Variants in PCDHA6 observed in about 807,000 individuals in gnomAD.
PCDHA6 encodes protocadherin alpha 6.
PCDHA6 carries 55 observed loss-of-function variants against 60.3 expected under a neutral mutation model. The observed-to-expected ratio is 0.91, with a 90% confidence interval of 0.73 to 1.14. The LOEUF is 1.14. Among genes scored for constraint, PCDHA6 ranks in the 50% most tolerant of loss-of-function variants. The pLI is 0.00. For synonymous variants in PCDHA6, 652 were observed against 557.9 expected (o/e 1.17, Z -2.38); for missense variants, 1,327 against 1,256.5 (o/e 1.06, Z -0.85).
At chr5:140,931,758 A>G (rs1374881766) in intron 1 of PCDHA6, among the ~76,000 whole-genome samples, 1 of 151,944 alleles carries the variant, frequency 6.6e-6, no homozygotes, top group African/African-American at 2.4e-5. Flanking sequence ...GGCATTTGTT[A>G]TTTACTTCTT....
intron 1 of PCDHA6, chr5:140,869,798 T>G: frequency 6.2e-7 from 1 of 1,612,730 alleles, no homozygotes; most frequent in Non-Finnish European, 8.5e-7. Context: ...TTAGTCCAAG[T>G]CTTGGATGTC....
rs923663233 is a variant in PCDHA6 at position 140,828,117 on chromosome 5, T to C, written c.26T>C (p.Leu9Ser). 7 of 1,612,442 alleles carry C rather than the reference T, an allele frequency of 4.3e-6. No individual in the cohort carries two copies. The highest frequency in any genetic ancestry group is 5.9e-6 in the Non-Finnish European group (7 of 1,178,954). MVFTPEDR[L>S]GKQCLLLPLL... ...ATGGTGTTTACCCCGGAGGATAGAT[T>C]GGGAAAGCAATGTCTGCTCCTCCCG... Residue 9 changes from leucine (L) to serine (S), a missense_variant, in exon 1 of 4, where the codon TTG becomes TCG. Coordinates refer to ENST00000529310, the MANE Select transcript of PCDHA6 (RefSeq NM_018909.4).
Position 140,843,022 on chromosome 5 carries a change from G to A in PCDHA6, c.2394+12537G>A, listed in dbSNP as rs1554139645. On this transcript the variant is annotated intron_variant, in intron 1 of 3. Transcript: ENST00000529310. Reference sequence around the variant, plus strand: ...ATGACAACGCGCCGGCACTGCTGGAGCCTCGGGTGGGTGGCACTGGTGGCG... The same window carrying A: ...ATGACAACGCGCCGGCACTGCTGGAACCTCGGGTGGGTGGCACTGGTGGCG... 15 of 1,595,022 alleles carry A rather than the reference G, an allele frequency of 9.4e-6. 1 individual carries two copies. The highest frequency in any genetic ancestry group is 1.2e-5 in the Non-Finnish European group (14 of 1,165,456).
chr5:140,833,567 T>C (rs912727742), intron 1 of PCDHA6, among the ~76,000 whole-genome samples: 2 of 152,176 alleles, frequency 1.3e-5, no homozygotes, highest in Non-Finnish European at 2.9e-5. Flanking sequence ...AAATATAAAA[T>C]GATGAACTCC....
intron 1 of PCDHA6, chr5:140,870,316 T>C (rs1178506832): frequency 1.2e-6 from 2 of 1,614,126 alleles, no homozygotes; most frequent in Admixed American, 3.3e-5. Context: ...GAATTACTAC[T>C]CGTTGGTGCT....
intron 3 of PCDHA6, among the ~76,000 whole-genome samples, chr5:140,987,333 T>C (rs1470731690): frequency 6.6e-6 from 1 of 152,158 alleles, no homozygotes; most frequent in East Asian, 1.9e-4. Context: ...TAAGAACTGG[T>C]CTAAGGTAAA....
At chr5:140,908,602 G>T (rs542051868) in intron 1 of PCDHA6, among the ~76,000 whole-genome samples, 67 of 152,202 alleles carry the variant, frequency 4.4e-4, no homozygotes, top group African/African-American at 1.3e-3. Context: ...AAGATGGAAG[G>T]GCCTTGCTCC....
At position 140,914,538 on chromosome 5, in the gene PCDHA6, T is replaced by C. The variant is rs1393710886; in HGVS notation, c.2395-64411T>C. ...TTTTTTCATCCATTCAGCCACTTTA[T>C]TTCTTTTTATTGGAGAGTTTAGTCC... is the stretch of plus-strand genomic sequence containing the variant. On this transcript the variant is annotated intron_variant, in intron 1 of 3. Transcript: ENST00000529310. 2.0e-5 allele frequency among the ~76,000 whole-genome samples: 3 copies of C among 152,198 alleles called. No individual in the cohort carries two copies. The East Asian group carries it at 5.8e-4, about 29-fold the overall frequency.
intron 3 of PCDHA6, among the ~76,000 whole-genome samples, chr5:140,984,886 C>A (rs1254649508): frequency 1.3e-5 from 2 of 151,720 alleles, no homozygotes; most frequent in Non-Finnish European, 2.9e-5. Context: ...ACCATGAGAA[C>A]TAAAGGAGAA....
chr5:140,966,925 A>C (rs782069766), intron 1 of PCDHA6: 1 of 1,603,462 alleles, frequency 6.2e-7, no homozygotes, highest in Non-Finnish European at 8.5e-7. Context: ...AGGAGCAGGC[A>C]CCCGGCGCGC....
chr5:140,968,719 G>C lies in PCDHA6; in HGVS notation c.2395-10230G>C. The C allele has an allele frequency of 1.9e-6, 3 of 1,614,148 alleles. No homozygotes were observed. Among genetic ancestry groups the C allele is most frequent in the African/African-American group, 1.3e-5 (1 of 75,038 alleles). ...GGACTACCAGGAAGATGGGAGATGA[G>C]AGTGGTAGCACTTTCAACCTGACCG... On this transcript the variant is annotated intron_variant, in intron 1 of 3. Transcript: ENST00000529310.
chr5:140,874,590 T>C (rs1345853316), intron 1 of PCDHA6, among the ~76,000 whole-genome samples: 11 of 152,248 alleles, frequency 7.2e-5, no homozygotes, highest in Non-Finnish European at 1.5e-4. Flanking sequence ...TTTGGGATAG[T>C]GTGAAATTTG....
intron 1 of PCDHA6, among the ~76,000 whole-genome samples, chr5:140,879,793 C>T (rs1417873343): frequency 2.0e-5 from 3 of 152,192 alleles, no homozygotes; most frequent in Admixed American, 6.5e-5. Flanking sequence ...GTTTTTGTTT[C>T]TTCCAGTTTC....
At chr5:140,951,071 C>T (rs246044) in intron 1 of PCDHA6, among the ~76,000 whole-genome samples, 86,232 of 151,532 alleles carry the variant, frequency 0.57, 25,208 homozygotes, top group African/African-American at 0.71. Flanking sequence ...CATTGGCTTT[C>T]TTATATTTTC....
chr5:140,970,933 G>T (rs782607345), intron 1 of PCDHA6, among the ~76,000 whole-genome samples: 6 of 152,176 alleles, frequency 3.9e-5, no homozygotes, highest in African/African-American at 9.7e-5. Context: ...CCTGGTGTTA[G>T]TCAATGCTGA....
In PCDHA6 at chr5:140,876,844, C is replaced by A. The variant is rs200154646; in HGVS notation, c.2394+46359C>A. ...CGACAATGCGCCTGCGTTCGCGCAGCCCGAGTACACAGTGTTCGTGAAGGA... is the reference window on the plus strand; with the variant it reads ...CGACAATGCGCCTGCGTTCGCGCAGACCGAGTACACAGTGTTCGTGAAGGA... On this transcript the variant is annotated intron_variant, in intron 1 of 3. Coordinates refer to ENST00000529310, the MANE Select transcript of PCDHA6 (RefSeq NM_018909.4). The A allele has an allele frequency of 3.6e-5, 58 of 1,614,134 alleles. No homozygotes were observed. In the East Asian group the frequency reaches 1.2e-3, roughly 32 times the overall value.
chr5:140,868,875 C>T (rs1033473828), intron 1 of PCDHA6: 3 of 661,952 alleles, frequency 4.5e-6, no homozygotes, highest in African/African-American at 3.6e-5. Context: ...GTGCACAGTA[C>T]TCACAGTTTT....
intron 1 of PCDHA6, chr5:140,966,750 C>T: frequency 7.0e-7 from 1 of 1,428,438 alleles, no homozygotes; most frequent in African/African-American, 1.5e-5. Context: ...CGGCTGCCTC[C>T]GCCGCGGCCA....
At chr5:140,888,749 AC>A (rs1218374821) in intron 1 of PCDHA6, among the ~76,000 whole-genome samples, 1 of 151,232 alleles carries the variant, frequency 6.6e-6, no homozygotes, top group African/African-American at 2.4e-5. Context: ...GAATTATTCT[AC>A]CCACTTTTTT....
Sources: allele counts gnomAD v4.1 joint callset (sites outside exome capture counted in the v4.1 genomes callset), GRCh38; gene constraint gnomAD v4.1.1; transcripts MANE v1.5; gene names NCBI Gene and HGNC (gene_info 2026-07-23, HGNC 2026-07-21).